Variants in NEDD4L observed in about 807,000 individuals in gnomAD.
The protein encoded by NEDD4L is NEDD4 like E3 ubiquitin protein ligase.
A neutral mutation model predicts 148.9 loss-of-function variants in NEDD4L; 54 were observed. The ratio of observed to expected loss-of-function variants is 0.36; its 90% confidence interval spans 0.29 to 0.45. The LOEUF (loss-of-function observed/expected upper bound fraction) is 0.45. Among genes scored for constraint, NEDD4L ranks in the 20% least tolerant of loss-of-function variants. The pLI, the probability that NEDD4L is intolerant of heterozygous loss-of-function variation, is 1.00. For synonymous variants in NEDD4L, 433 were observed against 440.7 expected, an observed-to-expected ratio of 0.98 and a Z score of 0.22; for missense variants, 856 against 1,233.8, an observed-to-expected ratio of 0.69 and a Z score of 4.59.
intron 5 of NEDD4L, among the ~76,000 whole-genome samples, chr18:58,282,374 AT>A (rs1215568280): frequency 6.6e-6 from 1 of 152,186 alleles, no homozygotes; most frequent in African/African-American, 2.4e-5. Flanking sequence ...TATCTATCTG[AT>A]TTTAAGACAC....
rs115375053 is a variant in NEDD4L at position 58,359,708 on chromosome 18, G to C, written c.1767+2456G>C. Among the ~76,000 whole-genome samples, 303 of 152,234 alleles carry C rather than the reference G, an allele frequency of 2.0e-3. 2 individuals carry two copies. Among genetic ancestry groups the C allele is most frequent in the African/African-American group, 7.0e-3 (290 of 41,510 alleles). ...CCTAGTCCAGTTTATGGTTCTTACT[G>C]TGTGGTCTGCTGACCAGAGTATCAG... On this transcript the variant is annotated intron_variant, in intron 19 of 30. Coordinates refer to ENST00000400345, the MANE Select transcript of NEDD4L (RefSeq NM_001144967.3).
At chr18:58,351,738 G>A (rs1387141802) in intron 18 of NEDD4L, among the ~76,000 whole-genome samples, 2 of 152,032 alleles carry the variant, frequency 1.3e-5, no homozygotes, top group African/African-American at 4.8e-5. Flanking sequence ...TTCTGAAAAA[G>A]TATATTAAAA....
intron 2 of NEDD4L, among the ~76,000 whole-genome samples, chr18:58,184,022 AGC>A (rs2039159027): frequency 6.6e-6 from 1 of 152,146 alleles, no homozygotes; most frequent in Non-Finnish European, 1.5e-5. Flanking sequence ...AGAGAAAATT[AGC>A]CAGGCGTGGT....
At chr18:58,354,878 G>A (rs2044383891) in intron 18 of NEDD4L, among the ~76,000 whole-genome samples, 1 of 152,238 alleles carries the variant, frequency 6.6e-6, no homozygotes, top group Admixed American at 6.5e-5. Flanking sequence ...CAAACACTGA[G>A]TAGGATTGAG....
intron 1 of NEDD4L, among the ~76,000 whole-genome samples, chr18:58,079,457 A>G (rs1435140863): frequency 6.6e-6 from 1 of 152,180 alleles, no homozygotes; most frequent in Non-Finnish European, 1.5e-5. Flanking sequence ...TCTCACTTTC[A>G]ACTTTCACGA....
chr18:58,396,476 A>G lies in NEDD4L; in HGVS notation c.*207A>G. 1 of 497,990 alleles carries G rather than the reference A, an allele frequency of 2.0e-6. No homozygotes were observed. Among genetic ancestry groups the G allele is most frequent in the East Asian group, 3.6e-5 (1 of 27,638 alleles). The allele number at this position is 497,990 out of a possible 1,614,324, so 30.8% of individuals were successfully genotyped here. ...CTGCCTTTCCCACCACAAATTATCAACTGGTTGATGTGTACACTAATTACA... is the reference window on the plus strand; with the variant it reads ...CTGCCTTTCCCACCACAAATTATCAGCTGGTTGATGTGTACACTAATTACA... On this transcript the variant is annotated 3_prime_UTR_variant, in exon 31 of 31. Coordinates refer to ENST00000400345, the MANE Select transcript of NEDD4L (RefSeq NM_001144967.3).
intron 1 of NEDD4L, among the ~76,000 whole-genome samples, chr18:58,077,126 C>G (rs1406733634): frequency 7.1e-6 from 1 of 140,636 alleles, no homozygotes; most frequent in South Asian, 2.4e-4. Context: ...GCTGGGATTA[C>G]AGGCGTGAGC....
chr18:58,049,699 C>T (rs928789777), intron 1 of NEDD4L, among the ~76,000 whole-genome samples: 2 of 151,908 alleles, frequency 1.3e-5, no homozygotes, highest in East Asian at 3.9e-4. Context: ...TTATAGGGAC[C>T]GGGTGCAGTG....
intron 2 of NEDD4L, among the ~76,000 whole-genome samples, chr18:58,184,946 A>AAAAG: frequency 1.3e-5 from 2 of 151,902 alleles, no homozygotes; most frequent in African/African-American, 4.8e-5. Context: ...AAAAGAAAAG[A>AAAAG]AAAGAAAGTG....
intron 2 of NEDD4L, among the ~76,000 whole-genome samples, chr18:58,190,432 A>C (rs1049128029): frequency 6.6e-6 from 1 of 152,222 alleles, no homozygotes; most frequent in Non-Finnish European, 1.5e-5. Flanking sequence ...AATGTTATGG[A>C]AACATTTTAT....
At chr18:58,274,686 T>C (rs935759290) in intron 5 of NEDD4L, among the ~76,000 whole-genome samples, 1 of 152,212 alleles carries the variant, frequency 6.6e-6, no homozygotes, top group Admixed American at 6.5e-5. Context: ...TCCAGTTCTT[T>C]TGAATCTGAT....
At chr18:58,391,652 C>A in intron 30 of NEDD4L, 93 bp downstream of exon 30, 1 of 857,604 alleles carries the variant, frequency 1.2e-6, no homozygotes, top group Non-Finnish European at 1.9e-6. Flanking sequence ...GCTCTGTTTC[C>A]TGTCTGTAAG....
In NEDD4L at chr18:58,111,359, T is replaced by G. The variant is rs569922893; in HGVS notation, c.49-54429T>G. 2.0e-5 allele frequency among the ~76,000 whole-genome samples: 3 copies of G among 151,984 alleles called. No homozygotes were observed. In the East Asian group the frequency reaches 5.8e-4, roughly 29 times the overall value. ...CTGGGATTACAGGTGTGAGCCACTG[T>G]GCCTGGCTGATGTTAATATTTTTAT... On this transcript the variant is annotated intron_variant, in intron 1 of 30. Transcript: ENST00000400345.
At chr18:58,378,461 C>T (rs546873592) in intron 24 of NEDD4L, among the ~76,000 whole-genome samples, 5 of 152,330 alleles carry the variant, frequency 3.3e-5, no homozygotes, top group South Asian at 4.1e-4. Flanking sequence ...ACGAAGAGCC[C>T]GGAGCTGGAG....
intron 30 of NEDD4L, among the ~76,000 whole-genome samples, chr18:58,395,239 T>TAC (rs971514338): frequency 5.1e-4 from 77 of 151,922 alleles, no homozygotes; most frequent in African/African-American, 1.7e-3. Flanking sequence ...CCCCAACACA[T>TAC]ACACACACAC....
At chr18:58,142,174 G>A (rs1333053444) in intron 1 of NEDD4L, among the ~76,000 whole-genome samples, 3 of 147,254 alleles carry the variant, frequency 2.0e-5, no homozygotes, top group African/African-American at 5.0e-5. Context: ...AGCCTCCCGA[G>A]TAGCTGGGAC....
chr18:58,334,158 C>G, intron 12 of NEDD4L: 1 of 391,120 alleles, frequency 2.6e-6, no homozygotes, highest in Non-Finnish European at 4.5e-6. Context: ...ACTTAAACCT[C>G]TTGGTACATT....
chr18:58,261,323 C>T (rs1416624673), intron 5 of NEDD4L, among the ~76,000 whole-genome samples: 2 of 152,042 alleles, frequency 1.3e-5, no homozygotes. Flanking sequence ...TATTTTTTAC[C>T]ATGTCATTTT....
At chr18:58,362,244 C>A (rs1263613805) in intron 19 of NEDD4L, among the ~76,000 whole-genome samples, 2 of 152,206 alleles carry the variant, frequency 1.3e-5, no homozygotes, top group African/African-American at 2.4e-5. Flanking sequence ...GTCGAACTTG[C>A]ATACACAGTG....
Sources: allele counts gnomAD v4.1 joint callset (sites outside exome capture counted in the v4.1 genomes callset), GRCh38; gene constraint gnomAD v4.1.1; transcripts MANE v1.5; gene names NCBI Gene and HGNC (gene_info 2026-07-23, HGNC 2026-07-21).